The following ZCCHC8 variants were observed in gnomAD, a reference collection of about 807,000 sequenced individuals.
ZCCHC8 encodes the protein zinc finger CCHC-type containing 8, also known as zinc finger CCHC domain-containing protein 8.
ZCCHC8 carries 27 observed loss-of-function variants against 70.6 expected under a neutral mutation model. The observed-to-expected ratio is 0.38, with a 90% CI of 0.28 to 0.53. ZCCHC8 has a LOEUF of 0.53. Among genes scored for constraint, ZCCHC8 ranks in the 20% least tolerant of loss-of-function variants. ZCCHC8 has a pLI of 0.81. For synonymous variants in ZCCHC8, 293 were observed against 317.4 expected, an observed-to-expected ratio of 0.92 and a Z score of 0.82; for missense variants, 737 against 876.9, an observed-to-expected ratio of 0.84 and a Z score of 2.01.
intron 13 of ZCCHC8, among the ~76,000 whole-genome samples, chr12:122,476,549 G>T: frequency 6.6e-6 from 1 of 150,906 alleles, no homozygotes; most frequent in East Asian, 1.9e-4. Flanking sequence ...AGCCATGATC[G>T]CACCACTGCA....
intron 5 of ZCCHC8, among the ~76,000 whole-genome samples, chr12:122,488,128 T>C (rs1593325335): frequency 6.6e-6 from 1 of 151,906 alleles, no homozygotes; most frequent in Non-Finnish European, 1.5e-5. Context: ...TCTCTTGGGT[T>C]CAAAGCAATT....
In ZCCHC8 at chr12:122,500,909, G is replaced by A. The variant is rs982726634; in HGVS notation, c.-69C>T. On this transcript the variant is annotated 5_prime_UTR_variant, in exon 1 of 14. Coordinates refer to ENST00000633063, the MANE Select transcript of ZCCHC8 (RefSeq NM_017612.5). The surrounding 1 kb of genome is among the most constrained non-coding windows in gnomAD (Gnocchi z 4.8). ...CAGGGCTTGGGGAAGAAGGTTGGAA[G>A]GCGGCACCACTCTCTAGAGCTCTGG... 4 of 1,499,710 alleles carry A rather than the reference G, an allele frequency of 2.7e-6. No individual in the cohort carries two copies. In the South Asian group the frequency reaches 3.6e-5, roughly 14 times the overall value. The allele number at this position is 1,499,710 out of a possible 1,614,324, so 92.9% of individuals were successfully genotyped here. A position where few individuals can be genotyped will look rare whatever the true frequency, so the allele number is the denominator to read the frequency against.
At chr12:122,478,316 A>G in intron 11 of ZCCHC8, 24 bp from the exon 12 acceptor site, 1 of 1,506,980 alleles carries the variant, frequency 6.6e-7, no homozygotes, top group South Asian at 1.2e-5. Flanking sequence ...GAGAAGGAAA[A>G]AAAAAACACA....
At position 122,482,079 on chromosome 12, in the gene ZCCHC8, A is replaced by G. The variant is rs779142251; in HGVS notation, c.741T>C (p.Asn247=). The G allele has an allele frequency of 1.2e-6, 2 of 1,607,862 alleles. No individual in the cohort carries two copies. The highest frequency in any genetic ancestry group is 2.2e-5 in the South Asian group (2 of 90,026). Residue 247 remains asparagine (N), a synonymous_variant, in exon 9 of 14, where the codon AAT becomes AAC. Coordinates refer to ENST00000633063, the MANE Select transcript of ZCCHC8 (RefSeq NM_017612.5). ...TTCTCTTTTCACTTATTCGAGCAGC[A>G]TTCCGAGGCTACATCATGACACATT... The part of the protein sequence containing the change: ...HQMKDCPMPR[N]AARISEKRKE...
chr12:122,500,798 G>C lies in ZCCHC8; in HGVS notation c.43C>G (p.Pro15Ala), dbSNP rs975403407. ...ATCGACTCCTCTGGGTGGTCGAACG[G>C]CTCGAAGAGCTCTAGATCGCCAAAA... The part of the protein sequence containing the change: ...VYFGDLELFE[P>A]FDHPEESIPK... Residue 15 changes from proline (P) to alanine (A), a missense_variant, in exon 1 of 14, where the codon CCG becomes GCG. Physicochemically the swap from Pro to Ala is conservative, Grantham distance 27. Transcript: ENST00000633063. The surrounding 1 kb of genome is among the most constrained non-coding windows in gnomAD (Gnocchi z 4.8). The C allele has an allele frequency of 3.8e-6, 6 of 1,582,544 alleles. No individual in the cohort carries two copies. Among genetic ancestry groups the C allele is most frequent in the Non-Finnish European group, 5.1e-6 (6 of 1,165,352 alleles).
intron 10 of ZCCHC8, 51 bp from the exon 11 acceptor site, chr12:122,480,362 C>A: frequency 6.9e-7 from 1 of 1,447,790 alleles, no homozygotes; most frequent in Non-Finnish European, 9.2e-7. Context: ...AATATATATC[C>A]CTCCCCAGAC....
rs1040911718 is a variant in ZCCHC8, at chr12:122,474,196, G to C, written c.1425C>G (p.Leu475=). 3 of 1,511,644 alleles carry C rather than the reference G, an allele frequency of 2.0e-6. No individual in the cohort carries two copies. Among genetic ancestry groups the C allele is most frequent in the South Asian group, 2.8e-5 (2 of 70,528 alleles). 93.6% of individuals were successfully genotyped at this position (1,511,644 alleles called of 1,614,324 possible). The change falls in exon 14 of 14, where the codon CTC becomes CTG. Residue 475 remains leucine (L), a synonymous_variant. Coordinates refer to ENST00000633063, the MANE Select transcript of ZCCHC8 (RefSeq NM_017612.5). ...QPPLPPDTPP[L]PRGTPPPVFT... ...AGACGGGTGGAGGAGTTCCCCGGGG[G>C]AGTGGAGGAGTGTCAGGAGGTAATG...
rs1957912562 is a variant in ZCCHC8 at position 122,500,670 on chromosome 12, C to G, written c.171G>C (p.Glu57Asp). ...AELRERLRQC[E>D]ETIEQLRAEN... ...CGGCGCGGAGCTGCTCGATGGTCTC[C>G]TCGCACTGCCGAAGCCGCTCCCGTA... Residue 57 changes from glutamate (E) to aspartate (D), a missense_variant, in exon 1 of 14, where the codon GAG (glutamate) becomes GAC (aspartate). Coordinates refer to ENST00000633063, the MANE Select transcript of ZCCHC8 (RefSeq NM_017612.5). The surrounding 1 kb of genome is among the most constrained non-coding windows in gnomAD (Gnocchi z 4.8). 6.3e-7 allele frequency: 1 copy of G among 1,581,068 alleles called. No homozygotes were observed. The highest frequency in any genetic ancestry group is 1.8e-5 in the Admixed American group (1 of 55,322).
Position 122,473,808 on chromosome 12 carries a change from A to C in ZCCHC8, c.1813T>G (p.Ser605Ala), listed in dbSNP as rs1455625484. The C allele has an allele frequency of 7.4e-6, 12 of 1,613,252 alleles. No individual in the cohort carries two copies. Among genetic ancestry groups the C allele is most frequent in the Non-Finnish European group, 1.0e-5 (12 of 1,179,646 alleles). The change falls in exon 14 of 14, where the codon TCA (serine) becomes GCA (alanine). Residue 605 changes from serine to alanine, a missense_variant. Ser to Ala is a moderately conservative substitution (Grantham distance 99). Coordinates refer to ENST00000633063, the MANE Select transcript of ZCCHC8 (RefSeq NM_017612.5). ...TCTGCTTTTTCCTTCTGACAAAGTG[A>C]TGTCACCTCAGAGTCTGGACTGGAG... is the stretch of plus-strand genomic sequence containing the variant. ...HASSPDSEVT[S>A]LCQKEKAELA...
At chr12:122,498,970 A>G in intron 1 of ZCCHC8, 101 bp from the exon 2 acceptor site, 1 of 1,107,468 alleles carries the variant, frequency 9.0e-7, no homozygotes, top group Non-Finnish European at 1.3e-6. Context: ...TTATAAAGAC[A>G]AAAGACCCAC....
chr12:122,490,320 T>C lies in ZCCHC8; in HGVS notation c.423+142A>G. 5 of 661,812 alleles carry C rather than the reference T, an allele frequency of 7.6e-6. No individual in the cohort carries two copies. In the South Asian group the frequency reaches 9.8e-5, roughly 13 times the overall value. 41.0% of individuals were successfully genotyped at this position (661,812 alleles called of 1,614,324 possible). A position where few individuals can be genotyped will look rare whatever the true frequency, so the allele number is the denominator to read the frequency against. On this transcript the variant is annotated intron_variant, in intron 4 of 13. Transcript: ENST00000633063. ...CGCTGTGTGGCTAAACCAGTCAGGC[T>C]TCGGAAAAGCAAGCCAGTAGAAGGA...
At chr12:122,487,567 C>T (rs189899518) in intron 5 of ZCCHC8, among the ~76,000 whole-genome samples, 7 of 152,036 alleles carry the variant, frequency 4.6e-5, no homozygotes, top group Admixed American at 1.3e-4. Flanking sequence ...CTTTTGAATG[C>T]CAGGTCATAT....
intron 11 of ZCCHC8, among the ~76,000 whole-genome samples, chr12:122,479,003 C>T (rs12369179): frequency 0.058 from 8,829 of 152,314 alleles, 414 homozygotes; most frequent in Non-Finnish European, 0.088. Context: ...TCTATCTGCT[C>T]ACTAGACTCT....
chr12:122,495,106 T>C (rs1957806828), intron 2 of ZCCHC8, among the ~76,000 whole-genome samples: 1 of 152,136 alleles, frequency 6.6e-6, no homozygotes, highest in Admixed American at 6.6e-5. Flanking sequence ...AAGGAGGCAA[T>C]ATGGCAAAAA....
chr12:122,500,563 C>G lies in ZCCHC8; in HGVS notation c.199+79G>C. The G allele has an allele frequency of 6.9e-7, 1 of 1,445,310 alleles. No individual in the cohort carries two copies. The highest frequency in any genetic ancestry group is 1.4e-5 in the South Asian group (1 of 72,890). The allele number at this position is 1,445,310 out of a possible 1,614,324, so 89.5% of individuals were successfully genotyped here. A position where few individuals can be genotyped will look rare whatever the true frequency, so the allele number is the denominator to read the frequency against. ...TTCCGCCCGCGCCCTCGCCCTCGCC[C>G]GGCGCTGCCCCGGCCCCACGCCTGG... On this transcript the variant is annotated intron_variant, in intron 1 of 13. Transcript: ENST00000633063. The surrounding 1 kb of genome is among the most constrained non-coding windows in gnomAD (Gnocchi z 4.8).
At chr12:122,482,876 T>C in intron 7 of ZCCHC8, 181 bp from the exon 8 acceptor site, 2 of 570,786 alleles carry the variant, frequency 3.5e-6, no homozygotes, top group South Asian at 5.8e-5. Flanking sequence ...TAAATAGTAC[T>C]ATGCAGAGTC....
chr12:122,479,564 T>C lies in ZCCHC8; in HGVS notation c.1140+626A>G, dbSNP rs116601110. Among the ~76,000 whole-genome samples the C allele has an allele frequency of 5.0e-3, 766 of 152,304 alleles. 5 individuals are homozygous for C. The highest frequency in any genetic ancestry group is 0.018 in the African/African-American group (730 of 41,566). On this transcript the variant is annotated intron_variant, in intron 11 of 13. Transcript: ENST00000633063. ...ATAATATATTTAGATTTATTATAGA[T>C]AGAAACTTATTTCCCAAGTTAATTC...
intron 11 of ZCCHC8, among the ~76,000 whole-genome samples, chr12:122,479,930 C>T (rs1957497993): frequency 6.6e-6 from 1 of 152,176 alleles, no homozygotes; most frequent in African/African-American, 2.4e-5. Context: ...CCCACCCCAG[C>T]CTCCCTAGTA....
chr12:122,497,820 G>GT (rs1257396857), intron 2 of ZCCHC8, among the ~76,000 whole-genome samples: 1 of 151,588 alleles, frequency 6.6e-6, no homozygotes, highest in East Asian at 2.0e-4. Flanking sequence ...ACCAGCTTGA[G>GT]TAACACAGCA....
Sources: allele counts gnomAD v4.1 joint callset (sites outside exome capture counted in the v4.1 genomes callset), GRCh38; gene constraint gnomAD v4.1.1; non-coding constraint Gnocchi (gnomAD v3.1); transcripts MANE v1.5; gene names NCBI Gene and HGNC (gene_info 2026-07-23, HGNC 2026-07-21).